SNAP91: variants seen among roughly 807,000 people sequenced by gnomAD.
SNAP91 encodes the protein clathrin coat assembly protein AP180.
SNAP91 carries 27 observed loss-of-function variants against 100.3 expected under a neutral mutation model. The ratio of observed to expected loss-of-function variants is 0.27; its 90% CI spans 0.20 to 0.37. The LOEUF (loss-of-function observed/expected upper bound fraction) is 0.37. Ranked by LOEUF, SNAP91 falls within the 10% of genes least tolerant of loss-of-function variation. SNAP91 has a pLI of 1.00. For missense variants in SNAP91, 986 were observed against 1,123.7 expected (o/e 0.88, Z 1.75); for synonymous variants, 404 against 398.6 (o/e 1.01, Z -0.16).
At position 83,639,835 on chromosome 6, in the gene SNAP91, G is replaced by A. The variant is rs1391985152; in HGVS notation, c.765+1261C>T. ...AAAATAATCTGTTCTCCGTACTCAG[G>A]CATAATTTATCTTTTCACAGAAAGA... On this transcript the variant is annotated intron_variant, in intron 8 of 29. Transcript: ENST00000369694. Among the ~76,000 whole-genome samples the A allele has an allele frequency of 1.3e-5, 2 of 152,006 alleles. 1 individual carries two copies. The highest frequency in any genetic ancestry group is 4.1e-4 in the South Asian group (2 of 4,826).
intron 2 of SNAP91, among the ~76,000 whole-genome samples, chr6:83,688,808 A>C (rs2099095648): frequency 6.6e-6 from 1 of 152,168 alleles, no homozygotes; most frequent in Non-Finnish European, 1.5e-5. Flanking sequence ...GACTATCTTC[A>C]GGCAAAATTT....
intron 7 of SNAP91, among the ~76,000 whole-genome samples, chr6:83,656,085 C>T (rs1471880381): frequency 6.6e-6 from 1 of 152,132 alleles, no homozygotes; most frequent in Non-Finnish European, 1.5e-5. Context: ...AAACATTGAA[C>T]TACACCAAAT....
Position 83,591,257 on chromosome 6 carries a change from T to C in SNAP91, c.1968A>G (p.Ala656=), listed in dbSNP as rs749161642. The C allele has an allele frequency of 2.4e-5, 39 of 1,613,062 alleles. No individual in the cohort carries two copies. The highest frequency in any genetic ancestry group is 2.9e-5 in the Non-Finnish European group (34 of 1,179,286). The change falls in exon 22 of 30, where the codon GCA becomes GCG. Residue 656 remains alanine, a synonymous_variant. Coordinates refer to ENST00000369694, the MANE Select transcript of SNAP91 (RefSeq NM_001242792.2). ...CTGATGAACTAGAAGCAGCCTGAGATGCAGGTTGGGGTTCAGAAGCACTAC... is the reference window on the plus strand; with the variant it reads ...CTGATGAACTAGAAGCAGCCTGAGACGCAGGTTGGGGTTCAGAAGCACTAC... ...FGSSASEPQP[A]SQAASSSSAS...
chr6:83,707,671 GC>G, intron 2 of SNAP91, 126 bp downstream of exon 2: 1 of 1,291,416 alleles, frequency 7.7e-7, no homozygotes, highest in East Asian at 2.6e-5. Context: ...AAGAATTTCA[GC>G]TCAGGGGCAA....
intron 8 of SNAP91, among the ~76,000 whole-genome samples, chr6:83,625,032 T>A (rs1199018869): frequency 6.6e-6 from 1 of 152,046 alleles, no homozygotes; most frequent in Admixed American, 6.6e-5. Context: ...TTTTCAGACC[T>A]TGACTTCCTC....
At chr6:83,555,879 C>T (rs867100018) in intron 29 of SNAP91, among the ~76,000 whole-genome samples, 11 of 152,094 alleles carry the variant, frequency 7.2e-5, no homozygotes. Flanking sequence ...GTAGCTTGGG[C>T]ACCTTTTTGC....
intron 2 of SNAP91, among the ~76,000 whole-genome samples, chr6:83,681,442 T>C (rs1189609133): frequency 6.6e-6 from 1 of 152,166 alleles, no homozygotes; most frequent in Admixed American, 6.5e-5. Flanking sequence ...GTCTATTTCC[T>C]ACATTTCTCT....
Position 83,575,118 on chromosome 6 carries a change from T to C in SNAP91, c.2334A>G (p.Gly778=). 4 of 1,599,380 alleles carry C rather than the reference T, an allele frequency of 2.5e-6. No individual in the cohort carries two copies. Among genetic ancestry groups the C allele is most frequent in the South Asian group, 2.2e-5 (2 of 89,098 alleles). Reference sequence around the variant, plus strand: ...TCTCTCCAGCATTCCACTGAAGATCTCCCCTAAAATTAACCATGCAAAACA... The same window carrying C: ...TCTCTCCAGCATTCCACTGAAGATCCCCCCTAAAATTAACCATGCAAAACA... ...LGISGTTTKK[G]DLQWNAGEKK... Residue 778 remains glycine (G), a synonymous_variant, in exon 26 of 30, where the codon GGA becomes GGG. Transcript: ENST00000369694.
chr6:83,704,779 T>C (rs1271446359), intron 2 of SNAP91, among the ~76,000 whole-genome samples: 1 of 152,172 alleles, frequency 6.6e-6, no homozygotes, highest in Admixed American at 6.5e-5. Flanking sequence ...ATCAAACTAG[T>C]AATAAATTGA....
chr6:83,614,132 G>A (rs2096329721), intron 11 of SNAP91, among the ~76,000 whole-genome samples: 1 of 152,040 alleles, frequency 6.6e-6, no homozygotes. Context: ...GAGTATAAGT[G>A]CTAGCCAGAA....
intron 2 of SNAP91, among the ~76,000 whole-genome samples, chr6:83,687,324 C>T (rs948882857): frequency 6.6e-6 from 1 of 152,032 alleles, no homozygotes; most frequent in African/African-American, 2.4e-5. Flanking sequence ...TCATGTCCTT[C>T]AGGATATAAG....
intron 28 of SNAP91, among the ~76,000 whole-genome samples, chr6:83,556,631 A>G (rs1192626821): frequency 6.6e-6 from 1 of 152,188 alleles, no homozygotes; most frequent in Non-Finnish European, 1.5e-5. Flanking sequence ...GGAAGATGTG[A>G]AACACTAGTA....
chr6:83,574,305 T>C lies in SNAP91; in HGVS notation c.2442+705A>G, dbSNP rs575037931. 4.6e-5 allele frequency among the ~76,000 whole-genome samples: 7 copies of C among 152,342 alleles called. No individual in the cohort carries two copies. The South Asian group carries it at 1.2e-3, about 27-fold the overall frequency. On this transcript the variant is annotated intron_variant, in intron 26 of 29. Transcript: ENST00000369694. ...CTACTCTGAAAACACGTTCTTTTTGTGTCAGCAAATTTCACAAAGCAATAG... is the reference window on the plus strand; with the variant it reads ...CTACTCTGAAAACACGTTCTTTTTGCGTCAGCAAATTTCACAAAGCAATAG...
intron 26 of SNAP91, among the ~76,000 whole-genome samples, chr6:83,572,595 T>C (rs1810279032): frequency 6.6e-6 from 1 of 152,092 alleles, no homozygotes; most frequent in East Asian, 1.9e-4. Context: ...GTCTGCCAGA[T>C]ACTAATGTTC....
At chr6:83,578,415 A>G (rs957630268) in intron 24 of SNAP91, among the ~76,000 whole-genome samples, 1 of 152,146 alleles carries the variant, frequency 6.6e-6, no homozygotes, top group Non-Finnish European at 1.5e-5. Flanking sequence ...CCTATTGGGT[A>G]TAAAGTGATA....
chr6:83,662,083 A>G (rs1164032276), intron 4 of SNAP91, among the ~76,000 whole-genome samples: 2 of 152,120 alleles, frequency 1.3e-5, no homozygotes, highest in Non-Finnish European at 2.9e-5. Context: ...TGTCTCCTGT[A>G]CCTTCATAAA....
intron 26 of SNAP91, among the ~76,000 whole-genome samples, chr6:83,570,180 A>C (rs1804319996): frequency 6.6e-6 from 1 of 152,114 alleles, no homozygotes; most frequent in East Asian, 1.9e-4. Flanking sequence ...GTTATGTTTT[A>C]GCAGAAAGAC....
Position 83,576,039 on chromosome 6 carries a change from C to G in SNAP91, c.2314G>C (p.Gly772Arg), listed in dbSNP as rs780606231. ...ASLVGNLGIS[G>R]TTTKKGDLQW... ...AACACTTACTTTTTTGTTGTGGTAC[C>G]AGAAATTCCAAGATCTATAAATGGA... The change falls in exon 25 of 30, where the codon GGT becomes CGT. Residue 772 changes from glycine to arginine, a missense_variant. Transcript: ENST00000369694. The G allele has an allele frequency of 4.3e-6, 6 of 1,410,746 alleles. No individual in the cohort carries two copies. The highest frequency in any genetic ancestry group is 5.8e-6 in the Non-Finnish European group (6 of 1,034,576). 87.4% of individuals were successfully genotyped at this position (1,410,746 alleles called of 1,614,324 possible). A position where few individuals can be genotyped will look rare whatever the true frequency, so the allele number is the denominator to read the frequency against.
At chr6:83,678,792 A>G in intron 2 of SNAP91, 2 of 1,288,744 alleles carry the variant, frequency 1.6e-6, no homozygotes, top group South Asian at 2.5e-5. Context: ...ATTATTCTTG[A>G]ACGCCCTCAT....
Sources: gnomAD v4.1 joint callset for allele counts (sites outside exome capture counted in the v4.1 genomes callset) on GRCh38, gnomAD v4.1.1 for gene constraint, MANE v1.5 for transcripts, NCBI Gene and HGNC (gene_info 2026-07-23, HGNC 2026-07-21) for gene names.